Variants in DAB2IP observed in about 807,000 individuals in gnomAD.
DAB2IP encodes disabled homolog 2-interacting protein.
DAB2IP carries 28 observed loss-of-function variants against 107.2 expected under a neutral mutation model. The observed-to-expected ratio is 0.26, with a 90% CI of 0.19 to 0.36. The LOEUF (loss-of-function observed/expected upper bound fraction) is 0.36. Among genes scored for constraint, DAB2IP ranks in the 10% least tolerant of loss-of-function variants. DAB2IP has a pLI of 1.00. For missense variants in DAB2IP, 1,400 were observed against 1,644.7 expected, an observed-to-expected ratio of 0.85 and a Z score of 2.57; for synonymous variants, 755 against 706.4, an observed-to-expected ratio of 1.07 and a Z score of -1.09.
intron 3 of DAB2IP, among the ~76,000 whole-genome samples, chr9:121,718,773 C>G (rs146400212): frequency 2.0e-5 from 3 of 152,178 alleles, no homozygotes; most frequent in Admixed American, 1.3e-4. Flanking sequence ...TGGAGTTCCC[C>G]GGCTCGTGTT....
intron 3 of DAB2IP, among the ~76,000 whole-genome samples, chr9:121,700,872 G>A (rs1345302221): frequency 6.6e-6 from 1 of 152,140 alleles, no homozygotes; most frequent in Admixed American, 6.5e-5. Context: ...TGCCCCAGGG[G>A]ACCAGGCGTG....
intron 1 of DAB2IP, among the ~76,000 whole-genome samples, chr9:121,673,758 G>T (rs1021221081): frequency 2.0e-5 from 3 of 152,114 alleles, no homozygotes; most frequent in Non-Finnish European, 4.4e-5. Context: ...GAAGGTGTGT[G>T]GGGTGTCAGG....
chr9:121,676,564 G>A (rs1357288907), intron 1 of DAB2IP, among the ~76,000 whole-genome samples: 1 of 152,096 alleles, frequency 6.6e-6, no homozygotes, highest in Non-Finnish European at 1.5e-5. Flanking sequence ...CCACGCACCA[G>A]GCTCCATGCA....
At chr9:121,759,839 AC>A in intron 5 of DAB2IP, 45 bp from the exon 6 acceptor site, 6 of 1,544,906 alleles carry the variant, frequency 3.9e-6, no homozygotes, top group Non-Finnish European at 4.4e-6. Context: ...TGGGGGTTGC[AC>A]GTGGCACCCC....
intron 6 of DAB2IP, 80 bp from the exon 7 acceptor site, chr9:121,763,425 C>T: frequency 2.0e-6 from 3 of 1,519,216 alleles, no homozygotes; most frequent in Non-Finnish European, 2.6e-6. Flanking sequence ...GCCAGGACTT[C>T]TCTGGCTAGG....
chr9:121,617,108 C>A (rs1831305571), intron 1 of DAB2IP, among the ~76,000 whole-genome samples: 2 of 152,140 alleles, frequency 1.3e-5, no homozygotes, highest in Admixed American at 6.5e-5. Context: ...CCGAGGTGAG[C>A]AGATCACCTG....
At chr9:121,691,452 A>G (rs954864261) in intron 2 of DAB2IP, among the ~76,000 whole-genome samples, 2 of 151,678 alleles carry the variant, frequency 1.3e-5, no homozygotes, top group African/African-American at 4.9e-5. Flanking sequence ...TGGTCAAAGG[A>G]AGTGATAGCA....
At chr9:121,742,140 A>G (rs1832396241) in intron 3 of DAB2IP, among the ~76,000 whole-genome samples, 2 of 152,170 alleles carry the variant, frequency 1.3e-5, no homozygotes, top group African/African-American at 4.8e-5. Flanking sequence ...AAAGATAGCC[A>G]CACTGGGCAG....
chr9:121,673,242 A>G (rs902252535), intron 1 of DAB2IP, among the ~76,000 whole-genome samples: 1 of 152,120 alleles, frequency 6.6e-6, no homozygotes, highest in Non-Finnish European at 1.5e-5. Flanking sequence ...CCCATGCTCC[A>G]TGTCCCCTCC....
chr9:121,634,606 A>G lies in DAB2IP; in HGVS notation c.41-44072A>G, dbSNP rs1055915685. On this transcript the variant is annotated intron_variant, in intron 1 of 16. Coordinates refer to the DAB2IP transcript ENST00000259371. This position sits in a 1 kb window ranked among gnomAD's most constrained non-coding sequence, Gnocchi z 4.7. ...GAGAATGGGTGGGCAGTGGGGGTGG[A>G]GTTCACTGTCAGCGCCAAAGAGGAA... Among the ~76,000 whole-genome samples, 6 of 152,068 alleles carry G rather than the reference A, an allele frequency of 3.9e-5. No individual in the cohort carries two copies. Among genetic ancestry groups the G allele is most frequent in the Non-Finnish European group, 1.5e-5 (1 of 68,012 alleles).
intron 1 of DAB2IP, among the ~76,000 whole-genome samples, chr9:121,619,594 T>A (rs1174072607): frequency 3.9e-5 from 6 of 152,246 alleles, no homozygotes; most frequent in African/African-American, 1.4e-4. Context: ...TATGTCACAC[T>A]TCTGAAAGAG....
In DAB2IP at chr9:121,772,776, G is replaced by A; in HGVS notation, c.2248G>A (p.Asp750Asn). 6.2e-7 allele frequency: 1 copy of A among 1,613,558 alleles called. No homozygotes were observed. The highest frequency in any genetic ancestry group is 8.5e-7 in the Non-Finnish European group (1 of 1,179,930). The change falls in exon 12 of 16, where the codon GAC (aspartate) becomes AAC (asparagine). Residue 750 changes from aspartate (D) to asparagine (N), a missense_variant. Asp to Asn is a conservative substitution (Grantham distance 23). This residue lies in a region of DAB2IP where 600 missense variants were observed against 659.1 expected (regional missense o/e 0.91). Coordinates refer to ENST00000408936, the Ensembl canonical transcript of DAB2IP. This position sits in a 1 kb window ranked among gnomAD's most constrained non-coding sequence, Gnocchi z 4.7. ...CGGTGGCAAGAGCCTCTCCATGGTG[G>A]ACCTCCAGGACGCCCGCACGCTGGA...
intron 3 of DAB2IP, chr9:121,751,484 T>C (rs1003756045): frequency 1.3e-5 from 2 of 152,532 alleles, no homozygotes; most frequent in Non-Finnish European, 2.9e-5. Flanking sequence ...GGTGGTGACA[T>C]TGGGCTGGCC....
Position 121,760,499 on chromosome 9 carries a change from C to T in DAB2IP, c.1170+60C>T, listed in dbSNP as rs775802676. On this transcript the variant is annotated intron_variant, in intron 6 of 15. Transcript: ENST00000408936. The surrounding 1 kb of genome is among the most constrained non-coding windows in gnomAD (Gnocchi z 5.9). ...GGGCGGCAGCACTGGGTTACCTGCC[C>T]TTCCTCACATCCGTACATTTCAGGC... is the stretch of plus-strand genomic sequence containing the variant. 33 of 1,492,390 alleles carry T rather than the reference C, an allele frequency of 2.2e-5. No individual in the cohort carries two copies. The highest frequency in any genetic ancestry group is 2.7e-5 in the Non-Finnish European group (30 of 1,124,300). The allele number at this position is 1,492,390 out of a possible 1,614,324, so 92.4% of individuals were successfully genotyped here.
At position 121,662,214 on chromosome 9, in the gene DAB2IP, C is replaced by A. The variant is rs1833240686; in HGVS notation, c.124+10315C>A. On this transcript the variant is annotated intron_variant, in intron 1 of 15. Coordinates refer to ENST00000408936, the Ensembl canonical transcript of DAB2IP. This position sits in a 1 kb window ranked among gnomAD's most constrained non-coding sequence, Gnocchi z 4.6. The stretch of plus-strand genomic sequence containing the variant: ...AAAATAATATTGCAGACACCCACCT[C>A]TCAGGTTGAACAAACCTTAACATTG... Among the ~76,000 whole-genome samples the A allele has an allele frequency of 6.6e-6, 1 of 152,174 alleles. No individual in the cohort carries two copies. Among genetic ancestry groups the A allele is most frequent in the Non-Finnish European group, 1.5e-5 (1 of 68,034 alleles).
At chr9:121,628,465 T>C (rs534691153) in intron 1 of DAB2IP, among the ~76,000 whole-genome samples, 70 of 152,320 alleles carry the variant, frequency 4.6e-4, no homozygotes, top group Non-Finnish European at 5.4e-4. Context: ...GTCCTGGCTA[T>C]GGGTGTGGTG....
chr9:121,636,901 G>A (rs1405722528), intron 1 of DAB2IP, among the ~76,000 whole-genome samples: 2 of 152,200 alleles, frequency 1.3e-5, no homozygotes. Context: ...ACAGAGTGGG[G>A]AGTTTGGGCC....
At chr9:121,745,096 T>TG (rs1360732008) in intron 3 of DAB2IP, among the ~76,000 whole-genome samples, 5 of 152,008 alleles carry the variant, frequency 3.3e-5, no homozygotes, top group African/African-American at 1.2e-4. Context: ...GTGTGGAATG[T>TG]GGGGGAAAAG....
chr9:121,673,317 G>C (rs1464187959), intron 1 of DAB2IP, among the ~76,000 whole-genome samples: 2 of 152,152 alleles, frequency 1.3e-5, no homozygotes, highest in African/African-American at 2.4e-5. Context: ...ATATACTCTT[G>C]CTTCTTCCCT....
Sources: allele counts gnomAD v4.1 joint callset (sites outside exome capture counted in the v4.1 genomes callset), GRCh38; gene constraint gnomAD v4.1.1; regional missense constraint gnomAD v4.1.1; non-coding constraint Gnocchi (gnomAD v3.1); transcripts MANE v1.5; gene names NCBI Gene and HGNC (gene_info 2026-07-23, HGNC 2026-07-21).